The following KSR1 variants were observed in gnomAD, a reference collection of about 807,000 sequenced individuals.
The protein encoded by KSR1 is kinase suppressor of ras 1.
KSR1 carries 35 observed loss-of-function variants against 92.9 expected under a neutral mutation model. That is an observed-to-expected ratio of 0.38 (90% CI 0.29 to 0.50). The LOEUF (loss-of-function observed/expected upper bound fraction) is 0.50. Ranked by LOEUF, KSR1 falls within the 20% of genes least tolerant of loss-of-function variation. KSR1 has a pLI of 0.94. For missense variants in KSR1, 972 were observed against 1,158.5 expected, an observed-to-expected ratio of 0.84 and a Z score of 2.34; for synonymous variants, 467 against 472.6, an observed-to-expected ratio of 0.99 and a Z score of 0.15.
At chr17:27,595,998 C>T (rs1455188615) in intron 9 of KSR1, among the ~76,000 whole-genome samples, 5 of 152,200 alleles carry the variant, frequency 3.3e-5, no homozygotes, top group Middle Eastern at 3.2e-3. Context: ...TAATCAGTGC[C>T]GCCCAAACTT....
At chr17:27,590,955 C>G in intron 7 of KSR1, 61 bp downstream of exon 7, 3 of 1,415,620 alleles carry the variant, frequency 2.1e-6, no homozygotes, top group Non-Finnish European at 2.9e-6. Context: ...AAATCAAATG[C>G]GCTTCCCTAT....
intron 1 of KSR1, among the ~76,000 whole-genome samples, chr17:27,475,033 TG>T (rs2068297785): frequency 2.6e-5 from 4 of 151,946 alleles, no homozygotes; most frequent in Admixed American, 2.6e-4. Context: ...GGGGTCAGGA[TG>T]GGTTTGCAGA....
chr17:27,505,426 G>A (rs2069344886), intron 1 of KSR1, among the ~76,000 whole-genome samples: 1 of 152,236 alleles, frequency 6.6e-6, no homozygotes, highest in Non-Finnish European at 1.5e-5. Context: ...GTGCCTGCCT[G>A]CAGTCTCCAC....
intron 1 of KSR1, among the ~76,000 whole-genome samples, chr17:27,524,832 G>A (rs146025417): frequency 6.6e-6 from 1 of 152,330 alleles, no homozygotes; most frequent in East Asian, 1.9e-4. Context: ...GGAAAAGGCA[G>A]GGAGGGGGCT....
At chr17:27,551,665 A>T (rs1426558159) in intron 2 of KSR1, among the ~76,000 whole-genome samples, 1 of 152,036 alleles carries the variant, frequency 6.6e-6, no homozygotes, top group Admixed American at 6.5e-5. Context: ...CATTTAGAAC[A>T]TGGCTAGTCC....
At chr17:27,597,237 C>A in intron 9 of KSR1, 31 bp from the exon 10 acceptor site, 1 of 1,555,410 alleles carries the variant, frequency 6.4e-7, no homozygotes. Flanking sequence ...CCAGGACAGC[C>A]CTGCCATTCC....
chr17:27,512,755 G>A (rs979047611), intron 1 of KSR1, among the ~76,000 whole-genome samples: 14 of 152,124 alleles, frequency 9.2e-5, no homozygotes, highest in African/African-American at 3.4e-4. Flanking sequence ...GAGAACCTAC[G>A]GTAGGCTGGG....
intron 1 of KSR1, chr17:27,526,998 T>C: frequency 1.9e-6 from 1 of 530,312 alleles, no homozygotes. Flanking sequence ...CTTGATGTTC[T>C]CCCAGCCCTT....
chr17:27,512,134 C>T (rs2056512570), intron 1 of KSR1, among the ~76,000 whole-genome samples: 1 of 152,200 alleles, frequency 6.6e-6, no homozygotes, highest in Non-Finnish European at 1.5e-5. Flanking sequence ...GCAAAATTCC[C>T]TGCTCTTTCT....
intron 1 of KSR1, among the ~76,000 whole-genome samples, chr17:27,518,780 C>A (rs1025910034): frequency 4.6e-5 from 7 of 152,206 alleles, no homozygotes; most frequent in African/African-American, 1.4e-4. Flanking sequence ...CCCTCTCCAC[C>A]AAAGGCATAG....
intron 18 of KSR1, among the ~76,000 whole-genome samples, chr17:27,614,973 C>T (rs1050110860): frequency 6.6e-6 from 1 of 152,242 alleles, no homozygotes; most frequent in Non-Finnish European, 1.5e-5. Context: ...TTCTCTGTCT[C>T]TCCAGCCACA....
At chr17:27,480,166 C>T (rs776343982) in intron 1 of KSR1, among the ~76,000 whole-genome samples, 7 of 152,184 alleles carry the variant, frequency 4.6e-5, no homozygotes, top group Non-Finnish European at 1.0e-4. Context: ...CCTTGGGCCA[C>T]CTTCCTGTTC....
At chr17:27,474,746 A>G (rs2068287206) in intron 1 of KSR1, among the ~76,000 whole-genome samples, 1 of 152,204 alleles carries the variant, frequency 6.6e-6, no homozygotes. Flanking sequence ...CAAAATGGAC[A>G]CAAATGTAGA....
chr17:27,513,994 C>T (rs1567781201), intron 1 of KSR1, among the ~76,000 whole-genome samples: 1 of 152,364 alleles, frequency 6.6e-6, no homozygotes, highest in South Asian at 2.1e-4. Context: ...AGTCTCCAGG[C>T]CACTGCTTGC....
rs1009187801 is a variant in KSR1, at chr17:27,577,334, G to T, written c.373-158G>T. 1.7e-6 allele frequency: 1 copy of T among 584,038 alleles called. No homozygotes were observed. Among genetic ancestry groups the T allele is most frequent in the Non-Finnish European group, 3.0e-6 (1 of 331,388 alleles). The allele number at this position is 584,038 out of a possible 1,614,324, so 36.2% of individuals were successfully genotyped here. A position where few individuals can be genotyped will look rare whatever the true frequency, so the allele number is the denominator to read the frequency against. Reference sequence around the variant, plus strand: ...GAGCCTGGAGGGTGGGGGCCAGGGAGCTCTGCTTGTGTCCCCAAGCACGTG... The same window carrying T: ...GAGCCTGGAGGGTGGGGGCCAGGGATCTCTGCTTGTGTCCCCAAGCACGTG... On this transcript the variant is annotated intron_variant, in intron 2 of 20. Transcript: ENST00000644974. The surrounding 1 kb of genome is among the most constrained non-coding windows in gnomAD (Gnocchi z 4.5).
intron 9 of KSR1, among the ~76,000 whole-genome samples, chr17:27,594,080 C>T (rs1267933067): frequency 6.6e-6 from 1 of 152,172 alleles, no homozygotes; most frequent in Non-Finnish European, 1.5e-5. Flanking sequence ...GTCATTCAGA[C>T]CACAGCAGCT....
At chr17:27,488,596 C>T (rs1462315470) in intron 1 of KSR1, among the ~76,000 whole-genome samples, 1 of 152,126 alleles carries the variant, frequency 6.6e-6, no homozygotes, top group Non-Finnish European at 1.5e-5. Context: ...CTTTGGGAGG[C>T]CAAGACAGGA....
At chr17:27,460,627 G>C (rs1249338849) in intron 1 of KSR1, among the ~76,000 whole-genome samples, 1 of 152,164 alleles carries the variant, frequency 6.6e-6, no homozygotes, top group Non-Finnish European at 1.5e-5. Flanking sequence ...GCCGCAGGGG[G>C]TCAGAGGGGA....
intron 15 of KSR1, among the ~76,000 whole-genome samples, chr17:27,608,499 C>T (rs1177945588): frequency 1.3e-5 from 2 of 152,214 alleles, no homozygotes; most frequent in Non-Finnish European, 2.9e-5. Flanking sequence ...GTCACCCACG[C>T]TCCATGCACC....
Sources: allele counts gnomAD v4.1 joint callset (sites outside exome capture counted in the v4.1 genomes callset), GRCh38; gene constraint gnomAD v4.1.1; non-coding constraint Gnocchi (gnomAD v3.1); transcripts MANE v1.5; gene names NCBI Gene and HGNC (gene_info 2026-07-23, HGNC 2026-07-21).